ARNT2: variants seen among roughly 807,000 people sequenced by gnomAD.
The protein encoded by ARNT2 is aryl hydrocarbon receptor nuclear translocator 2.
Under a neutral mutation model 91.7 loss-of-function variants are expected in ARNT2, and 36 were observed. The ratio of observed to expected loss-of-function variants is 0.39; its 90% CI spans 0.30 to 0.52. ARNT2 has a LOEUF of 0.52. Ranked by LOEUF, ARNT2 falls within the 20% of genes least tolerant of loss-of-function variation. The pLI is 0.72. For missense variants in ARNT2, 775 were observed against 939.3 expected, an observed-to-expected ratio of 0.83 and a Z score of 2.29; for synonymous variants, 365 against 347.1, an observed-to-expected ratio of 1.05 and a Z score of -0.57.
intron 1 of ARNT2, among the ~76,000 whole-genome samples, chr15:80,438,521 G>C (rs890003647): frequency 6.6e-6 from 1 of 152,148 alleles, no homozygotes. Flanking sequence ...CCTAAAGATT[G>C]TTTATTGTTG....
In ARNT2 at chr15:80,475,099, C is replaced by T. The variant is rs774355159; in HGVS notation, c.498C>T (p.Ser166=). 14 of 1,614,068 alleles carry T rather than the reference C, an allele frequency of 8.7e-6. No individual in the cohort carries two copies. The highest frequency in any genetic ancestry group is 5.3e-5 in the African/African-American group (4 of 74,916). ...GGCGAGTGATTTATGTGTCTGACTCCGTCACCCCTGTTCTGAACCAGCCCC... is the reference window on the plus strand; with the variant it reads ...GGCGAGTGATTTATGTGTCTGACTCTGTCACCCCTGTTCTGAACCAGCCCC... ...ETGRVIYVSD[S]VTPVLNQPQS... is the part of the protein sequence containing the mutation. Residue 166 remains serine (S), a synonymous_variant, in exon 5 of 19, where the codon TCC becomes TCT. Coordinates refer to ENST00000303329, the MANE Select transcript of ARNT2 (RefSeq NM_014862.4).
chr15:80,580,659 A>T (rs1898778456), intron 16 of ARNT2, 110 bp downstream of exon 16: 1 of 1,416,916 alleles, frequency 7.1e-7, no homozygotes, highest in Non-Finnish European at 9.6e-7. Context: ...CCTAGCTGGA[A>T]CCAACCACCC....
At chr15:80,416,346 G>T (rs978985674) in intron 1 of ARNT2, among the ~76,000 whole-genome samples, 1 of 151,800 alleles carries the variant, frequency 6.6e-6, no homozygotes, top group African/African-American at 2.4e-5. Flanking sequence ...AGAATGAGTG[G>T]CATACACAAT....
chr15:80,558,303 T>A (rs1898238593), intron 11 of ARNT2, among the ~76,000 whole-genome samples: 1 of 150,554 alleles, frequency 6.6e-6, no homozygotes, highest in Non-Finnish European at 1.5e-5. Flanking sequence ...GAACCTGACC[T>A]CCCTGTGGGC....
chr15:80,519,289 AG>A (rs1897494791), intron 8 of ARNT2, among the ~76,000 whole-genome samples: 1 of 152,206 alleles, frequency 6.6e-6, no homozygotes, highest in Non-Finnish European at 1.5e-5. Flanking sequence ...CGATATTTAA[AG>A]GGAAAAGGGT....
chr15:80,445,823 C>T (rs957142981), intron 1 of ARNT2, among the ~76,000 whole-genome samples: 1 of 152,014 alleles, frequency 6.6e-6, no homozygotes, highest in African/African-American at 2.4e-5. Flanking sequence ...CTGTCTCTGG[C>T]CACAGCCTCA....
At chr15:80,555,463 G>A in intron 11 of ARNT2, 1 of 293,026 alleles carries the variant, frequency 3.4e-6, no homozygotes, top group East Asian at 6.0e-5. Flanking sequence ...GGTCTTAAAG[G>A]ATGAGCATAG....
At chr15:80,503,317 A>C (rs773210997) in intron 5 of ARNT2, among the ~76,000 whole-genome samples, 3 of 152,226 alleles carry the variant, frequency 2.0e-5, no homozygotes, top group South Asian at 2.1e-4. Context: ...CATTTGTCAA[A>C]AATCCAATTT....
chr15:80,455,524 C>T (rs1463981965), intron 2 of ARNT2, among the ~76,000 whole-genome samples: 1 of 152,082 alleles, frequency 6.6e-6, no homozygotes, highest in African/African-American at 2.4e-5. Context: ...TACCATGGGG[C>T]TCACTTCCTT....
rs191213396 is a variant in ARNT2, at chr15:80,596,460, C to A, written c.*2762C>A. 6.6e-6 allele frequency: 1 copy of A among 152,084 alleles called. No homozygotes were observed. Among genetic ancestry groups the A allele is most frequent in the South Asian group, 2.1e-4 (1 of 4,822 alleles). 9.4% of individuals were successfully genotyped at this position (152,084 alleles called of 1,614,324 possible). On this transcript the variant is annotated 3_prime_UTR_variant, in exon 19 of 19. Coordinates refer to ENST00000303329, the MANE Select transcript of ARNT2 (RefSeq NM_014862.4). ...ATCGCACATGCCCCAGGGGTTTTCA[C>A]CAAGGATTTTCAAGACAAACTGGAG...
intron 1 of ARNT2, among the ~76,000 whole-genome samples, chr15:80,446,462 T>A (rs1166079253): frequency 6.6e-6 from 1 of 152,188 alleles, no homozygotes; most frequent in Non-Finnish European, 1.5e-5. Context: ...AACTTTCATC[T>A]GGGCCTGTGA....
intron 6 of ARNT2, among the ~76,000 whole-genome samples, chr15:80,509,234 G>A (rs1897311650): frequency 6.6e-6 from 1 of 152,060 alleles, no homozygotes; most frequent in Admixed American, 6.6e-5. Flanking sequence ...CTGAGGTCAG[G>A]GGTTTGAGAC....
intron 1 of ARNT2, among the ~76,000 whole-genome samples, chr15:80,433,252 A>ATTTTATTTTATTTTATTTTAT (rs1595959736): frequency 1.0e-4 from 7 of 68,174 alleles, no homozygotes; most frequent in African/African-American, 2.3e-4. Context: ...ATTTTATTTT[A>ATTTTATTTTATTTTATTTTAT]TTTTATTTTA....
rs116070698 is a variant in ARNT2, at chr15:80,530,958, A to G, written c.877+16553A>G. Among the ~76,000 whole-genome samples, 1,094 of 152,348 alleles carry G rather than the reference A, an allele frequency of 7.2e-3. 15 individuals are homozygous for G. Among genetic ancestry groups the G allele is most frequent in the African/African-American group, 0.025 (1,044 of 41,582 alleles). Reference sequence around the variant, plus strand: ...GCATATTAAATTCTCTTAGACTTCTACAGTGATGAAATCTCTTTATCTTTG... The same window carrying G: ...GCATATTAAATTCTCTTAGACTTCTGCAGTGATGAAATCTCTTTATCTTTG... On this transcript the variant is annotated intron_variant, in intron 8 of 18. Coordinates refer to ENST00000303329, the MANE Select transcript of ARNT2 (RefSeq NM_014862.4).
intron 10 of ARNT2, among the ~76,000 whole-genome samples, chr15:80,553,464 G>A (rs537079535): frequency 3.4e-4 from 51 of 152,144 alleles, no homozygotes; most frequent in African/African-American, 1.1e-3. Flanking sequence ...GCACATTGTC[G>A]TTTTGTAAGA....
intron 2 of ARNT2, among the ~76,000 whole-genome samples, chr15:80,455,549 A>G (rs1297040938): frequency 6.6e-6 from 1 of 152,090 alleles, no homozygotes; most frequent in Non-Finnish European, 1.5e-5. Flanking sequence ...GTCTGGTCCC[A>G]CAAAGGGCTG....
At chr15:80,478,018 G>A (rs764459885) in intron 5 of ARNT2, among the ~76,000 whole-genome samples, 15 of 152,184 alleles carry the variant, frequency 9.9e-5, no homozygotes, top group Non-Finnish European at 2.1e-4. Flanking sequence ...AAACAGCGAT[G>A]CTGAAATAGG....
chr15:80,528,516 C>T (rs1003737510), intron 8 of ARNT2, among the ~76,000 whole-genome samples: 4 of 151,888 alleles, frequency 2.6e-5, no homozygotes, highest in African/African-American at 7.3e-5. Context: ...GTTTGCGCAC[C>T]CCCTGCCCCA....
chr15:80,552,206 G>A (rs1003934783), intron 9 of ARNT2, among the ~76,000 whole-genome samples: 2 of 152,110 alleles, frequency 1.3e-5, no homozygotes, highest in Admixed American at 6.6e-5. Flanking sequence ...AGAATATTTG[G>A]GTAAATTCAG....
Sources: allele counts gnomAD v4.1 joint callset (sites outside exome capture counted in the v4.1 genomes callset), GRCh38; gene constraint gnomAD v4.1.1; transcripts MANE v1.5; gene names NCBI Gene and HGNC (gene_info 2026-07-23, HGNC 2026-07-21).